Variants in PRKCQ observed in about 807,000 individuals in gnomAD.
PRKCQ encodes protein kinase C theta, also known as protein kinase C theta type.
A neutral mutation model predicts 91.2 loss-of-function variants in PRKCQ; 41 were observed. The ratio of observed to expected loss-of-function variants is 0.45; its 90% confidence interval spans 0.35 to 0.58. PRKCQ has a LOEUF of 0.58. Among genes scored for constraint, PRKCQ ranks in the 20% least tolerant of loss-of-function variants. The pLI is 0.00. For missense variants in PRKCQ, 673 were observed against 896.5 expected (o/e 0.75, Z 3.18); for synonymous variants, 307 against 316.9 (o/e 0.97, Z 0.33).
At chr10:6,493,266 C>T (rs1320573146) in intron 7 of PRKCQ, among the ~76,000 whole-genome samples, 1 of 149,186 alleles carries the variant, frequency 6.7e-6, no homozygotes, top group Non-Finnish European at 1.5e-5. Flanking sequence ...AGTTTGAAGA[C>T]TTTTGTATAA....
At chr10:6,492,513 A>G (rs962356575) in intron 7 of PRKCQ, among the ~76,000 whole-genome samples, 1 of 152,182 alleles carries the variant, frequency 6.6e-6, no homozygotes, top group African/African-American at 2.4e-5. Flanking sequence ...CAGAGAAGGT[A>G]AGAAACTTGC....
At chr10:6,407,920 C>T in the PRKCQ span, among the ~76,000 whole-genome samples, 2 of 152,074 alleles carry the variant, frequency 1.3e-5, no homozygotes, top group South Asian at 4.2e-4. This position sits in a 1 kb window ranked among gnomAD's most constrained non-coding sequence, Gnocchi z 4.0. Flanking sequence ...TATCTTGAAA[C>T]TTCTCTAAAA....
chr10:6,529,063 G>A (rs913307961), intron 1 of PRKCQ, among the ~76,000 whole-genome samples: 12 of 152,276 alleles, frequency 7.9e-5, no homozygotes, highest in African/African-American at 2.6e-4. Flanking sequence ...GTGCCTATCT[G>A]GGTAATTTTC....
At position 6,576,851 on chromosome 10, in the gene PRKCQ, G is replaced by A. The variant is rs1354933453; in HGVS notation, c.-10+3360C>T. Among the ~76,000 whole-genome samples, 2 of 152,040 alleles carry A rather than the reference G, an allele frequency of 1.3e-5. No homozygotes were observed. Among genetic ancestry groups the A allele is most frequent in the Non-Finnish European group, 1.5e-5 (1 of 68,018 alleles). Reference sequence around the variant, plus strand: ...TGACTGGTTATAAGACCTGGACAAGGGGCTCTACCCCTTGAGCCTCAGTTT... The same window carrying A: ...TGACTGGTTATAAGACCTGGACAAGAGGCTCTACCCCTTGAGCCTCAGTTT... On this transcript the variant is annotated intron_variant, in intron 1 of 17. Transcript: ENST00000263125. This position sits in a 1 kb window ranked among gnomAD's most constrained non-coding sequence, Gnocchi z 4.2.
chr10:6,410,647 A>G, the PRKCQ span, among the ~76,000 whole-genome samples: 2 of 152,186 alleles, frequency 1.3e-5, no homozygotes, highest in Non-Finnish European at 2.9e-5. Context: ...CCAGGTAGAC[A>G]AAATGTCTTA....
chr10:6,522,466 T>C (rs1839049711), intron 1 of PRKCQ, among the ~76,000 whole-genome samples: 1 of 152,154 alleles, frequency 6.6e-6, no homozygotes, highest in African/African-American at 2.4e-5. Context: ...TGATTCACCC[T>C]CCACAATTCA....
Position 6,476,949 on chromosome 10 carries a change from T to C in PRKCQ, c.1353+2043A>G, listed in dbSNP as rs1034534610. Among the ~76,000 whole-genome samples, 4 of 152,182 alleles carry C rather than the reference T, an allele frequency of 2.6e-5. No individual in the cohort carries two copies. The East Asian group carries it at 7.7e-4, about 29-fold the overall frequency. ...GCCTGCAGGTGACATACCTTCACCC[T>C]CCCAGGCCAATGGGTATTTATCATC... is the stretch of plus-strand genomic sequence containing the variant. On this transcript the variant is annotated intron_variant, in intron 12 of 17. Transcript: ENST00000263125.
intron 1 of PRKCQ, among the ~76,000 whole-genome samples, chr10:6,579,363 CG>C (rs1293762875): frequency 6.6e-6 from 1 of 152,120 alleles, no homozygotes; most frequent in Non-Finnish European, 1.5e-5. Flanking sequence ...ACGTCCAGCC[CG>C]CACAGGGGCA....
the PRKCQ span, among the ~76,000 whole-genome samples, chr10:6,398,002 T>G: frequency 2.0e-5 from 3 of 152,252 alleles, no homozygotes; most frequent in East Asian, 5.8e-4. Flanking sequence ...AAGAATCTCA[T>G]AAGTGTTACT....
At chr10:6,504,056 C>T (rs7084816) in intron 4 of PRKCQ, among the ~76,000 whole-genome samples, 39,014 of 152,160 alleles carry the variant, frequency 0.26, 5,926 homozygotes, top group East Asian at 0.42. Context: ...GGATTATAGG[C>T]ATTAGCCATT....
At chr10:6,537,727 G>A (rs972577207) in intron 1 of PRKCQ, among the ~76,000 whole-genome samples, 1 of 152,162 alleles carries the variant, frequency 6.6e-6, no homozygotes, top group South Asian at 2.1e-4. Flanking sequence ...ATGACTGACC[G>A]ATCTTATTCA....
chr10:6,473,239 C>G lies in PRKCQ; in HGVS notation c.1353+5753G>C, dbSNP rs185556664. ...TCCTGCTAAAAATGCCTCTGTCTCT[C>G]CCTATGGAAACCCTAAAGTTCCCTC... On this transcript the variant is annotated intron_variant, in intron 12 of 17. Transcript: ENST00000263125. Among the ~76,000 whole-genome samples, 247 of 152,322 alleles carry G rather than the reference C, an allele frequency of 1.6e-3. 2 individuals are homozygous for G. Among genetic ancestry groups the G allele is most frequent in the Middle Eastern group, 3.4e-3 (1 of 294 alleles).
At chr10:6,411,361 C>T in the PRKCQ span, among the ~76,000 whole-genome samples, 1 of 152,170 alleles carries the variant, frequency 6.6e-6, no homozygotes, top group Non-Finnish European at 1.5e-5. Context: ...CCTCATGCCC[C>T]TTGGGAAAAC....
chr10:6,537,843 G>A (rs187382391), intron 1 of PRKCQ, among the ~76,000 whole-genome samples: 9 of 152,300 alleles, frequency 5.9e-5, no homozygotes, highest in African/African-American at 9.6e-5. Flanking sequence ...GCTAGGGAGG[G>A]CAAGCTAACT....
At chr10:6,468,625 T>C (rs1430911326) in intron 12 of PRKCQ, among the ~76,000 whole-genome samples, 2 of 152,202 alleles carry the variant, frequency 1.3e-5, no homozygotes, top group Non-Finnish European at 2.9e-5. Flanking sequence ...AGAATAATTA[T>C]AGTCATTTTT....
chr10:6,428,138 C>T lies in PRKCQ; in HGVS notation c.*69G>A, dbSNP rs1490785583. 14 of 1,583,600 alleles carry T rather than the reference C, an allele frequency of 8.8e-6. No homozygotes were observed. The highest frequency in any genetic ancestry group is 1.2e-5 in the Non-Finnish European group (14 of 1,157,802). ...CTTTTTCCAAGTTGAAAAAGGAACC[C>T]AAGCAGTGTCTCTTGAACCAGTTCC... On this transcript the variant is annotated 3_prime_UTR_variant, in exon 18 of 18. Transcript: ENST00000263125.
chr10:6,396,283 A>C, the PRKCQ span, among the ~76,000 whole-genome samples: 3 of 152,224 alleles, frequency 2.0e-5, no homozygotes, highest in East Asian at 3.9e-4. Context: ...ATTGAGATAC[A>C]ATACAATTCA....
At chr10:6,491,554 T>C in intron 8 of PRKCQ, 129 bp downstream of exon 8, 1 of 1,287,366 alleles carries the variant, frequency 7.8e-7, no homozygotes, top group Non-Finnish European at 1.1e-6. Flanking sequence ...ACCATACTTA[T>C]GATCATGACT....
intron 1 of PRKCQ, among the ~76,000 whole-genome samples, chr10:6,551,105 C>G (rs1840165782): frequency 6.6e-6 from 1 of 152,098 alleles, no homozygotes; most frequent in Non-Finnish European, 1.5e-5. Flanking sequence ...CACCCAGGTA[C>G]TAAGCCTGGT....
Sources: gnomAD v4.1 joint callset for allele counts (sites outside exome capture counted in the v4.1 genomes callset) on GRCh38, gnomAD v4.1.1 for gene constraint, Gnocchi (gnomAD v3.1) non-coding constraint, MANE v1.5 for transcripts, NCBI Gene and HGNC (gene_info 2026-07-23, HGNC 2026-07-21) for gene names.